The following PDE4DIP variants were observed in gnomAD, a reference collection of about 807,000 sequenced individuals.
PDE4DIP encodes the protein myomegalin.
A neutral mutation model predicts 221.4 loss-of-function variants in PDE4DIP; 59 were observed. The observed-to-expected ratio is 0.27, with a 90% CI of 0.22 to 0.33. PDE4DIP has a LOEUF of 0.33. PDE4DIP is among the 10% of genes least tolerant of loss of function. The pLI is 1.00. For synonymous variants in PDE4DIP, 404 were observed against 815.9 expected (o/e 0.50, Z 8.60); for missense variants, 1,036 against 2,154.2 (o/e 0.48, Z 10.28).
At chr1:149,017,871 G>A (rs144059949) in exon 34 of PDE4DIP, 121 of 1,612,910 alleles carry the variant, frequency 7.5e-5, no homozygotes, top group South Asian at 2.5e-4. Flanking sequence ...TCTACTGCTC[G>A]TGGAAGGGGT....
At chr1:148,969,842 G>A (rs587643576) in intron 14 of PDE4DIP, among the ~76,000 whole-genome samples, 2 of 152,052 alleles carry the variant, frequency 1.3e-5, no homozygotes, top group South Asian at 4.2e-4. Context: ...AAGTAGCTGG[G>A]ATTACAGGCA....
At chr1:149,009,675 A>G (rs1553603073) in exon 30 of PDE4DIP, 1 of 1,614,140 alleles carries the variant, frequency 6.2e-7, no homozygotes, top group South Asian at 1.1e-5. Flanking sequence ...TCTGACTCCC[A>G]CCGCTCTCCC....
At chr1:148,926,775 C>T (rs1336993110) in intron 1 of PDE4DIP, among the ~76,000 whole-genome samples, 1 of 151,554 alleles carries the variant, frequency 6.6e-6, no homozygotes, top group African/African-American at 2.4e-5. Context: ...TTTATGAAGA[C>T]ATTTGAATTC....
At chr1:148,952,000 A>C (rs1230216869) in intron 5 of PDE4DIP, 2 of 935,462 alleles carry the variant, frequency 2.1e-6, no homozygotes, top group Admixed American at 1.2e-4. Flanking sequence ...GGCGGCGCGC[A>C]GCGGTACCTA....
intron 19 of PDE4DIP, among the ~76,000 whole-genome samples, chr1:148,978,899 T>A (rs2060636494): frequency 2.0e-5 from 3 of 152,160 alleles, no homozygotes; most frequent in Admixed American, 6.5e-5. Flanking sequence ...CTTTCTGACA[T>A]TTGTAGTTCT....
At chr1:148,920,368 A>G in intron 1 of PDE4DIP, among the ~76,000 whole-genome samples, 1 of 106,248 alleles carries the variant, frequency 9.4e-6, no homozygotes, top group Middle Eastern at 3.8e-3. Context: ...CATGTTGGCC[A>G]GGCTGGTCTC....
At chr1:148,923,609 G>T (rs4649717) in intron 1 of PDE4DIP, among the ~76,000 whole-genome samples, 2 of 144,908 alleles carry the variant, frequency 1.4e-5, no homozygotes, top group Non-Finnish European at 3.0e-5. Context: ...AAGTAGCTGG[G>T]ACTACAGGAG....
At chr1:148,841,746 CT>C (rs1398731501) in intron 1 of PDE4DIP, among the ~76,000 whole-genome samples, 1 of 14,592 alleles carries the variant, frequency 6.9e-5, no homozygotes, top group Non-Finnish European at 1.1e-4. Flanking sequence ...GGAAAATCGC[CT>C]TTAGTCCATT....
At chr1:148,934,947 G>A (rs1487277135) in intron 4 of PDE4DIP, among the ~76,000 whole-genome samples, 7 of 151,876 alleles carry the variant, frequency 4.6e-5, no homozygotes, top group African/African-American at 1.7e-4. Flanking sequence ...ATTTCTCCTG[G>A]GAATCATGGC....
intron 31 of PDE4DIP, among the ~76,000 whole-genome samples, chr1:149,010,997 G>A (rs1553604951): frequency 6.8e-6 from 1 of 147,264 alleles, no homozygotes; most frequent in Non-Finnish European, 1.5e-5. Context: ...TCCTCTGCAA[G>A]AGGTAGTGCT....
chr1:148,821,445 C>T lies in PDE4DIP; in HGVS notation c.233+12708C>T, dbSNP rs1340133032. Among the ~76,000 whole-genome samples, 89 of 150,444 alleles carry T rather than the reference C, an allele frequency of 5.9e-4. 1 individual carries two copies. Among genetic ancestry groups the T allele is most frequent in the African/African-American group, 1.7e-3 (69 of 40,260 alleles). ...TTATTGGATAAAGGCTCAGTGAGGA[C>T]GTAGACAGAAAACAAATAAATAAAT... On this transcript the variant is annotated intron_variant, in intron 1 of 45. Transcript: ENST00000524974.
At chr1:148,979,317 T>C (rs192094743) in intron 19 of PDE4DIP, among the ~76,000 whole-genome samples, 99 of 152,294 alleles carry the variant, frequency 6.5e-4, no homozygotes, top group Non-Finnish European at 9.4e-4. Flanking sequence ...AATGAATGTC[T>C]TTTTCCTCCA....
intron 5 of PDE4DIP, chr1:148,939,932 C>T (rs1456480847): frequency 1.3e-5 from 2 of 151,962 alleles, no homozygotes; most frequent in Admixed American, 6.6e-5. Context: ...ATAATGCTAA[C>T]ATTCTATTTT....
At chr1:148,927,877 T>C (rs2047065536) in intron 1 of PDE4DIP, among the ~76,000 whole-genome samples, 4 of 151,860 alleles carry the variant, frequency 2.6e-5, no homozygotes. Context: ...TTTTAGTTAA[T>C]AGAATGCATT....
intron 2 of PDE4DIP, chr1:148,930,378 G>A (rs1300054333): frequency 2.0e-5 from 3 of 151,560 alleles, no homozygotes; most frequent in African/African-American, 7.3e-5. Flanking sequence ...TTAGCCGGGT[G>A]TGGTGGCAGT....
chr1:148,857,265 G>A (rs1402583977), intron 1 of PDE4DIP, among the ~76,000 whole-genome samples: 2 of 83,810 alleles, frequency 2.4e-5, no homozygotes, highest in Non-Finnish European at 4.2e-5. Context: ...TATATTTTCC[G>A]CCACTCTAAA....
chr1:148,969,516 A>G (rs2058792384), intron 14 of PDE4DIP, among the ~76,000 whole-genome samples: 2 of 152,128 alleles, frequency 1.3e-5, no homozygotes, highest in South Asian at 4.2e-4. Flanking sequence ...CTAAATTGTT[A>G]AGACTTGAGT....
At chr1:148,976,175 T>C (rs2060136561) in intron 17 of PDE4DIP, among the ~76,000 whole-genome samples, 1 of 152,266 alleles carries the variant, frequency 6.6e-6, no homozygotes, top group Admixed American at 6.5e-5. Flanking sequence ...TGTCCTGTTT[T>C]CAGGATCATG....
intron 5 of PDE4DIP, among the ~76,000 whole-genome samples, chr1:148,949,443 C>T (rs1574055530): frequency 6.7e-6 from 1 of 150,024 alleles, no homozygotes; most frequent in Non-Finnish European, 1.5e-5. Flanking sequence ...GTTAAATTGG[C>T]AGCCCTTATT....
Sources: allele counts gnomAD v4.1 joint callset (sites outside exome capture counted in the v4.1 genomes callset), GRCh38; gene constraint gnomAD v4.1.1; transcripts MANE v1.5; gene names NCBI Gene and HGNC (gene_info 2026-07-23, HGNC 2026-07-21).